ATP7B: variants seen among roughly 807,000 people sequenced by gnomAD.
The protein encoded by ATP7B is copper-transporting ATPase 2.
A neutral mutation model predicts 118.9 loss-of-function variants in ATP7B; 113 were observed. That is an observed-to-expected ratio of 0.95 (90% CI 0.82 to 1.11). ATP7B has a LOEUF of 1.11. Among genes scored for constraint, ATP7B ranks in the 50% most tolerant of loss-of-function variants. ATP7B has a pLI of 0.00. For missense variants in ATP7B, 1,867 were observed against 1,871.4 expected (o/e 1.00, Z 0.04); for synonymous variants, 777 against 727.4 (o/e 1.07, Z -1.10).
chr13:51,954,494 C>A (rs1958211376), intron 9 of ATP7B, among the ~76,000 whole-genome samples: 2 of 152,198 alleles, frequency 1.3e-5, no homozygotes, highest in Admixed American at 1.3e-4. Flanking sequence ...TGGCTGCAAG[C>A]AGTATGAAGA....
intron 1 of ATP7B, among the ~76,000 whole-genome samples, chr13:51,981,208 C>A (rs1053614029): frequency 6.6e-6 from 1 of 152,140 alleles, no homozygotes; most frequent in African/African-American, 2.4e-5. Context: ...TTAGAGTAAC[C>A]TTTTCTTTTC....
chr13:52,004,033 G>A (rs925898030), intron 1 of ATP7B, among the ~76,000 whole-genome samples: 4 of 152,076 alleles, frequency 2.6e-5, no homozygotes, highest in African/African-American at 4.8e-5. Flanking sequence ...CGAGGGGGGC[G>A]GATTACCTGA....
chr13:52,009,888 G>A lies in ATP7B; in HGVS notation c.51+1399C>T, dbSNP rs537108910. On this transcript the variant is annotated intron_variant, in intron 1 of 20. Transcript: ENST00000242839. The stretch of plus-strand genomic sequence containing the variant: ...ACAAGATATAATACCTACATCAAAG[G>A]GTTTTTGTGAGGATTAAACGCGAGA... Among the ~76,000 whole-genome samples, 54 of 152,144 alleles carry A rather than the reference G, an allele frequency of 3.5e-4. 1 individual carries two copies. Among genetic ancestry groups the A allele is most frequent in the African/African-American group, 1.3e-3 (52 of 41,502 alleles).
At chr13:51,960,445 C>G in intron 6 of ATP7B, 123 bp from the exon 7 acceptor site, 1 of 1,227,520 alleles carries the variant, frequency 8.1e-7, no homozygotes, top group Non-Finnish European at 1.2e-6. Flanking sequence ...GACAGACCAC[C>G]AGGGGTTAAA....
At chr13:51,954,570 G>A (rs1224880171) in intron 9 of ATP7B, among the ~76,000 whole-genome samples, 2 of 152,218 alleles carry the variant, frequency 1.3e-5, no homozygotes, top group Admixed American at 1.3e-4. Context: ...AGTGGATGAC[G>A]CCCCTAGAGA....
Position 51,970,755 on chromosome 13 carries a change from A to G in ATP7B, c.1286-6T>C, listed in dbSNP as rs2139975568. On this transcript the variant is annotated splice_polypyrimidine_tract_variant and splice_region_variant and intron_variant, in intron 2 of 20. Coordinates refer to ENST00000242839, the MANE Select transcript of ATP7B (RefSeq NM_000053.4). ...AGGGTTAGTAGAACAGCTTTCTAGG[A>G]TAAAATGTCAGAAAATATTCAAATT... is the stretch of plus-strand genomic sequence containing the variant. 1 of 1,613,176 alleles carries G rather than the reference A, an allele frequency of 6.2e-7. No individual in the cohort carries two copies. The highest frequency in any genetic ancestry group is 1.7e-5 in the Admixed American group (1 of 60,012).
At chr13:51,983,117 C>T (rs1324189177) in intron 1 of ATP7B, among the ~76,000 whole-genome samples, 1 of 152,194 alleles carries the variant, frequency 6.6e-6, no homozygotes, top group African/African-American at 2.4e-5. Flanking sequence ...AGTGGTCTAG[C>T]TCAGCGGATC....
At chr13:51,965,411 G>A (rs768336764) in intron 4 of ATP7B, among the ~76,000 whole-genome samples, 2 of 152,148 alleles carry the variant, frequency 1.3e-5, no homozygotes, top group African/African-American at 2.4e-5. Context: ...TGTGAAACTC[G>A]CTGCACTCCT....
At chr13:52,005,777 C>T (rs1953738370) in intron 1 of ATP7B, among the ~76,000 whole-genome samples, 1 of 152,194 alleles carries the variant, frequency 6.6e-6, no homozygotes, top group Non-Finnish European at 1.5e-5. Context: ...ACCAACACTC[C>T]ACTTCTTGGT....
Position 51,960,185 on chromosome 13 carries a change from A to G in ATP7B, c.2084T>C (p.Leu695Pro), listed in dbSNP as rs1958635772. Residue 695 changes from leucine to proline, a missense_variant, in exon 7 of 21, where the codon CTA (leucine) becomes CCA (proline). Coordinates refer to ENST00000242839, the MANE Select transcript of ATP7B (RefSeq NM_000053.4). Reference protein sequence around the residue: ...DHNIIPGLSILNLIFFILCTF... With the variant: ...DHNIIPGLSIPNLIFFILCTF... ...ACACAAGATAAAGAAGATGAGATTTAGAATGGACAGTCCTGGAATGATGTT... is the reference window on the plus strand; with the variant it reads ...ACACAAGATAAAGAAGATGAGATTTGGAATGGACAGTCCTGGAATGATGTT... 1.9e-6 allele frequency: 3 copies of G among 1,614,018 alleles called. No homozygotes were observed. Among genetic ancestry groups the G allele is most frequent in the African/African-American group, 2.7e-5 (2 of 75,062 alleles).
chr13:51,960,012 C>T, intron 7 of ATP7B, 136 bp downstream of exon 7: 1 of 1,260,458 alleles, frequency 7.9e-7, no homozygotes, highest in South Asian at 1.3e-5. Flanking sequence ...CAGCAACTGC[C>T]TGGGTGGGGC....
chr13:51,956,623 G>T (rs1299598847), intron 9 of ATP7B, among the ~76,000 whole-genome samples: 1 of 152,178 alleles, frequency 6.6e-6, no homozygotes, highest in East Asian at 1.9e-4. Context: ...GAACTGGAGG[G>T]TTTCCATCTG....
intron 12 of ATP7B, among the ~76,000 whole-genome samples, chr13:51,946,958 T>G (rs191232881): frequency 5.3e-4 from 80 of 152,342 alleles, no homozygotes; most frequent in Admixed American, 1.4e-3. Context: ...TAGGAAAGCT[T>G]AAAAATGCTA....
rs538885863 is a variant in ATP7B, at chr13:51,949,106, G to T, written c.2865+556C>A. 4.6e-5 allele frequency among the ~76,000 whole-genome samples: 7 copies of T among 152,252 alleles called. No individual in the cohort carries two copies. In the South Asian group the frequency reaches 1.5e-3, roughly 32 times the overall value. On this transcript the variant is annotated intron_variant, in intron 12 of 20. Transcript: ENST00000242839. ...GAGACGGGAGAACTGGTTGAACCTG[G>T]GAGGTGGAGGTTGCAGTGAACCGAG...
intron 1 of ATP7B, among the ~76,000 whole-genome samples, chr13:52,010,877 C>T (rs1252930060): frequency 6.6e-6 from 1 of 152,184 alleles, no homozygotes; most frequent in Non-Finnish European, 1.5e-5. Context: ...ATTACTTGTA[C>T]AATTAAAATG....
chr13:51,974,732 C>G lies in ATP7B; in HGVS notation c.488G>C (p.Gly163Ala), dbSNP rs1026547122. The change falls in exon 2 of 21, where the codon GGC becomes GCC. Residue 163 changes from glycine to alanine, a missense_variant. Gly to Ala is a moderately conservative substitution (Grantham distance 60). Transcript: ENST00000242839. ...TCQSCVSSIE[G>A]KVRKLQGVVR... ...TACTCCTTGCAGTTTCCGGACCTTGCCTTCAATGGAGCTGACACAGGACTG... is the reference window on the plus strand; with the variant it reads ...TACTCCTTGCAGTTTCCGGACCTTGGCTTCAATGGAGCTGACACAGGACTG... 1 of 1,614,000 alleles carries G rather than the reference C, an allele frequency of 6.2e-7. No individual in the cohort carries two copies.
At chr13:51,939,351 T>C (rs966781704) in intron 16 of ATP7B, among the ~76,000 whole-genome samples, 158 bp from the exon 17 acceptor site, 1 of 152,244 alleles carries the variant, frequency 6.6e-6, no homozygotes, top group African/African-American at 2.4e-5. Flanking sequence ...AAAAAGTACA[T>C]GCATTTACGG....
chr13:51,964,085 A>G (rs1041186394), intron 5 of ATP7B, among the ~76,000 whole-genome samples: 3 of 151,072 alleles, frequency 2.0e-5, no homozygotes, highest in East Asian at 1.9e-4. Flanking sequence ...CCCAGGCCAC[A>G]TAACAGACAG....
intron 3 of ATP7B, among the ~76,000 whole-genome samples, chr13:51,969,147 A>G (rs1381116500): frequency 6.6e-6 from 1 of 151,444 alleles, no homozygotes; most frequent in Non-Finnish European, 1.5e-5. Context: ...AAAAAAAAAA[A>G]GCTCCCCAGG....
Sources: allele counts gnomAD v4.1 joint callset (sites outside exome capture counted in the v4.1 genomes callset), GRCh38; gene constraint gnomAD v4.1.1; transcripts MANE v1.5; gene names NCBI Gene and HGNC (gene_info 2026-07-23, HGNC 2026-07-21).